Variants in TSHZ2 observed in about 807,000 individuals in gnomAD.
TSHZ2 encodes the protein teashirt homolog 2.
Under a neutral mutation model 74.4 loss-of-function variants are expected in TSHZ2, and 21 were observed. The ratio of observed to expected loss-of-function variants is 0.28; its 90% CI spans 0.20 to 0.41. TSHZ2 has a LOEUF of 0.41. TSHZ2 is among the 10% of genes least tolerant of loss of function. The probability of loss-of-function intolerance (pLI) is 1.00; values close to 1 mark genes in which losing one functional copy is unlikely to be tolerated. For missense variants in TSHZ2, 1,244 were observed against 1,293.5 expected (o/e 0.96, Z 0.59); for synonymous variants, 540 against 515.3 (o/e 1.05, Z -0.65).
intron 1 of TSHZ2, among the ~76,000 whole-genome samples, chr20:53,167,809 C>G (rs1465985202): frequency 6.6e-6 from 1 of 152,094 alleles, no homozygotes; most frequent in Non-Finnish European, 1.5e-5. Flanking sequence ...TATTACGTCC[C>G]CCGTAGAGTC....
At chr20:53,049,403 A>G (rs1348672594) in intron 1 of TSHZ2, among the ~76,000 whole-genome samples, 1 of 151,850 alleles carries the variant, frequency 6.6e-6, no homozygotes, top group African/African-American at 2.4e-5. Flanking sequence ...CATATATTCA[A>G]CCTAAAACTC....
At chr20:53,472,007 G>A (rs887645310) in intron 2 of TSHZ2, among the ~76,000 whole-genome samples, 9 of 152,026 alleles carry the variant, frequency 5.9e-5, no homozygotes, top group African/African-American at 2.2e-4. Context: ...GTTTCTTCAT[G>A]TTGGTCAGGC....
At chr20:53,282,886 C>A (rs1036467640) in intron 2 of TSHZ2, among the ~76,000 whole-genome samples, 2 of 151,950 alleles carry the variant, frequency 1.3e-5, no homozygotes, top group Admixed American at 1.3e-4. Flanking sequence ...CTGTGCCACT[C>A]CCAGATCAGA....
At chr20:53,279,542 T>G (rs1314321148) in intron 2 of TSHZ2, among the ~76,000 whole-genome samples, 7 of 152,230 alleles carry the variant, frequency 4.6e-5, no homozygotes. Context: ...TCCAGCTCTC[T>G]CACTTTTCTC....
At chr20:53,469,885 G>GAGAC (rs11474674) in intron 2 of TSHZ2, among the ~76,000 whole-genome samples, 17,172 of 81,300 alleles carry the variant, frequency 0.21, 3,225 homozygotes, top group Non-Finnish European at 0.21. Flanking sequence ...AGAAAAAAAA[G>GAGAC]AGAGAGAGGA....
chr20:53,376,431 C>A (rs1031652771), intron 2 of TSHZ2, among the ~76,000 whole-genome samples: 85 of 152,312 alleles, frequency 5.6e-4, no homozygotes, highest in African/African-American at 2.0e-3. Flanking sequence ...AGGATCCTGC[C>A]ATCTTGTCTG....
At chr20:52,997,604 C>A (rs1354682934) in intron 1 of TSHZ2, among the ~76,000 whole-genome samples, 1 of 152,146 alleles carries the variant, frequency 6.6e-6, no homozygotes, top group African/African-American at 2.4e-5. Context: ...GCTGTCCTCT[C>A]CCCAGCCCTA....
At chr20:52,975,956 G>T (rs967058003) in intron 1 of TSHZ2, among the ~76,000 whole-genome samples, 1 of 152,178 alleles carries the variant, frequency 6.6e-6, no homozygotes, top group Non-Finnish European at 1.5e-5. Flanking sequence ...TACACCCAAG[G>T]ACTGATGTTG....
rs1203466840 is a variant in TSHZ2 at position 53,488,719 on chromosome 20, A to T, written c.*1584A>T. 4.0e-5 allele frequency: 11 copies of T among 277,698 alleles called. No homozygotes were observed. The highest frequency in any genetic ancestry group is 6.3e-5 in the Non-Finnish European group (9 of 143,136). 17.2% of individuals were successfully genotyped at this position (277,698 alleles called of 1,614,324 possible). A position where few individuals can be genotyped will look rare whatever the true frequency, so the allele number is the denominator to read the frequency against. On this transcript the variant is annotated 3_prime_UTR_variant, in exon 3 of 3. Transcript: ENST00000371497. Reference sequence around the variant, plus strand: ...TTAATTACCAAGGTTATTTTTTTTTAATCTCAACACTGACAAAATGAAACC... The same window carrying T: ...TTAATTACCAAGGTTATTTTTTTTTTATCTCAACACTGACAAAATGAAACC...
chr20:53,006,761 A>T (rs961416653), intron 1 of TSHZ2, among the ~76,000 whole-genome samples: 3 of 152,002 alleles, frequency 2.0e-5, no homozygotes, highest in Admixed American at 6.6e-5. Flanking sequence ...CTTTCACATC[A>T]TTTTCTTTGG....
chr20:53,195,973 A>G (rs756280266), intron 1 of TSHZ2, among the ~76,000 whole-genome samples: 1 of 152,160 alleles, frequency 6.6e-6, no homozygotes, highest in Admixed American at 6.6e-5. Flanking sequence ...TTTTTGTGCT[A>G]AGAGCAGCGT....
intron 1 of TSHZ2, among the ~76,000 whole-genome samples, chr20:53,137,592 T>C (rs1165574191): frequency 6.6e-6 from 1 of 152,214 alleles, no homozygotes; most frequent in African/African-American, 2.4e-5. Context: ...GGTCTACCTC[T>C]GAAGTGGCCC....
At chr20:53,343,297 G>A (rs915879811) in intron 2 of TSHZ2, among the ~76,000 whole-genome samples, 1 of 152,100 alleles carries the variant, frequency 6.6e-6, no homozygotes, top group African/African-American at 2.4e-5. Context: ...GACGGCAGGT[G>A]CGGCCACACT....
chr20:53,012,039 C>T (rs954742415), intron 1 of TSHZ2, among the ~76,000 whole-genome samples: 7 of 152,134 alleles, frequency 4.6e-5, no homozygotes, highest in African/African-American at 9.7e-5. Flanking sequence ...ATTTGATCCA[C>T]GATATCTGGT....
At chr20:53,139,325 C>T (rs1987330497) in intron 1 of TSHZ2, among the ~76,000 whole-genome samples, 1 of 152,212 alleles carries the variant, frequency 6.6e-6, no homozygotes, top group Admixed American at 6.5e-5. Flanking sequence ...GAATAAATGG[C>T]ATCTAAATAC....
In TSHZ2 at chr20:53,256,909, A is replaced by G. The variant is rs1179350469; in HGVS notation, c.*8+338A>G. 6.6e-6 allele frequency among the ~76,000 whole-genome samples: 1 copy of G among 152,202 alleles called. No homozygotes were observed. The highest frequency in any genetic ancestry group is 1.5e-5 in the Non-Finnish European group (1 of 68,048). ...AAGGCTATCTTTCATTTTAATTATTAGATACTAACTTCTGTCACCATTCCA... is the reference window on the plus strand; with the variant it reads ...AAGGCTATCTTTCATTTTAATTATTGGATACTAACTTCTGTCACCATTCCA... On this transcript the variant is annotated intron_variant, in intron 2 of 2. Transcript: ENST00000371497. The surrounding 1 kb of genome is among the most constrained non-coding windows in gnomAD (Gnocchi z 4.3).
At chr20:53,263,861 G>A (rs550724630) in intron 2 of TSHZ2, among the ~76,000 whole-genome samples, 75 of 152,246 alleles carry the variant, frequency 4.9e-4, no homozygotes, top group Non-Finnish European at 4.7e-4. Context: ...TGAAGATTTC[G>A]TCAAGTTGCT....
intron 1 of TSHZ2, among the ~76,000 whole-genome samples, chr20:53,212,141 T>C (rs1376618836): frequency 6.6e-6 from 1 of 152,168 alleles, no homozygotes; most frequent in Non-Finnish European, 1.5e-5. Context: ...GCTTCTCTAA[T>C]GAAGTTGTCA....
intron 1 of TSHZ2, among the ~76,000 whole-genome samples, chr20:52,994,990 G>C (rs1205973704): frequency 6.6e-6 from 1 of 152,202 alleles, no homozygotes; most frequent in Admixed American, 6.5e-5. Flanking sequence ...GCACAGAGCT[G>C]TGAAGTAATT....
Sources: allele counts gnomAD v4.1 joint callset (sites outside exome capture counted in the v4.1 genomes callset), GRCh38; gene constraint gnomAD v4.1.1; non-coding constraint Gnocchi (gnomAD v3.1); transcripts MANE v1.5; gene names NCBI Gene and HGNC (gene_info 2026-07-23, HGNC 2026-07-21).